The following TXNRD1 variants were observed in gnomAD, a reference collection of about 807,000 sequenced individuals.
TXNRD1 encodes the protein thioredoxin reductase 1, also known as thioredoxin reductase 1, cytoplasmic.
Under a neutral mutation model 80.3 loss-of-function variants are expected in TXNRD1, and 57 were observed. The ratio of observed to expected loss-of-function variants is 0.71; its 90% CI spans 0.57 to 0.89. TXNRD1 has a LOEUF of 0.89. Ranked by LOEUF, TXNRD1 falls within the 40% of genes least tolerant of loss-of-function variation. The pLI is 0.00. For synonymous variants in TXNRD1, 291 were observed against 285.2 expected, an observed-to-expected ratio of 1.02 and a Z score of -0.20; for missense variants, 730 against 803.0, an observed-to-expected ratio of 0.91 and a Z score of 1.10.
At position 104,303,793 on chromosome 12, in the gene TXNRD1, C is replaced by T. The variant is rs556334568; in HGVS notation, c.415-7497C>T. 50 of 1,308,976 alleles carry T rather than the reference C, an allele frequency of 3.8e-5. No individual in the cohort carries two copies. The South Asian group carries it at 6.3e-4, about 17-fold the overall frequency. The allele number at this position is 1,308,976 out of a possible 1,614,324, so 81.1% of individuals were successfully genotyped here. A position where few individuals can be genotyped will look rare whatever the true frequency, so the allele number is the denominator to read the frequency against. On this transcript the variant is annotated intron_variant, in intron 4 of 16. Transcript: ENST00000525566. ...GCCACTTTCCACACGCTGGGAGGGC[C>T]GTTACCTCAGAGATACCCGTGGCCG...
In TXNRD1 at chr12:104,277,290, C is replaced by T. The variant is rs181427017; in HGVS notation, c.305-11641C>T. Among the ~76,000 whole-genome samples the T allele has an allele frequency of 4.7e-3, 699 of 150,248 alleles. 2 individuals are homozygous for T. The highest frequency in any genetic ancestry group is 0.016 in the African/African-American group (672 of 40,744). On this transcript the variant is annotated intron_variant, in intron 3 of 16. Transcript: ENST00000525566. ...TGGCGGGCGCCTATAGTACCAGCTACTAGGGAGGCTGAGGCAGGAGAATGA... is the reference window on the plus strand; with the variant it reads ...TGGCGGGCGCCTATAGTACCAGCTATTAGGGAGGCTGAGGCAGGAGAATGA...
chr12:104,320,242 A>T (rs182404759), intron 9 of TXNRD1, among the ~76,000 whole-genome samples: 380 of 152,302 alleles, frequency 2.5e-3, no homozygotes, highest in Non-Finnish European at 4.1e-3. Context: ...GTCTTCTTGG[A>T]TGCTTTTTGC....
chr12:104,317,504 C>G (rs531187104), intron 7 of TXNRD1, among the ~76,000 whole-genome samples: 1 of 151,510 alleles, frequency 6.6e-6, no homozygotes, highest in South Asian at 2.1e-4. Context: ...TGCTGTCATT[C>G]CCACTTCCAG....
intron 1 of TXNRD1, among the ~76,000 whole-genome samples, chr12:104,229,602 A>ATTTTATTTTATTTTATTTTTTTTTATTTT (rs1565853296): frequency 1.1e-5 from 1 of 89,304 alleles, no homozygotes; most frequent in African/African-American, 7.4e-5. Flanking sequence ...TATTTTATTT[A>ATTTTATTTTATTTTATTTTTTTTTATTTT]TTTTTTTTGA....
At chr12:104,327,403 A>G (rs1201375117) in intron 12 of TXNRD1, 112 bp from the exon 13 acceptor site, 2 of 1,037,504 alleles carry the variant, frequency 1.9e-6, no homozygotes, top group African/African-American at 1.6e-5. Flanking sequence ...ACATTAGAAC[A>G]TTGCCCTCAG....
rs2033014231 is a variant in TXNRD1 at position 104,247,240 on chromosome 12, G to A, written c.92-4287G>A. Among the ~76,000 whole-genome samples, 3 of 152,100 alleles carry A rather than the reference G, an allele frequency of 2.0e-5. No homozygotes were observed. The South Asian group carries it at 6.2e-4, about 32-fold the overall frequency. On this transcript the variant is annotated intron_variant, in intron 1 of 16. Transcript: ENST00000525566. ...CCGCCATTATGCCTGGCTAATTTTT[G>A]TATTTTTCATTGTGACAGGGTTTCA...
intron 1 of TXNRD1, among the ~76,000 whole-genome samples, chr12:104,249,451 A>C (rs1025249262): frequency 6.6e-6 from 1 of 152,036 alleles, no homozygotes; most frequent in Admixed American, 6.6e-5. Flanking sequence ...TTTTCTATCC[A>C]TATGTTAAGT....
At chr12:104,312,710 C>T (rs185173835) in intron 5 of TXNRD1, among the ~76,000 whole-genome samples, 125 of 152,270 alleles carry the variant, frequency 8.2e-4, no homozygotes, top group African/African-American at 2.9e-3. Context: ...TAGATGTTGT[C>T]AACTTTTTCA....
At chr12:104,220,921 T>C (rs2032339670) in intron 1 of TXNRD1, among the ~76,000 whole-genome samples, 2 of 152,208 alleles carry the variant, frequency 1.3e-5, no homozygotes, top group South Asian at 2.1e-4. Flanking sequence ...TAGAAACTAG[T>C]CTACATGTAT....
intron 4 of TXNRD1, chr12:104,310,223 C>T: frequency 1.9e-6 from 2 of 1,045,754 alleles, no homozygotes; most frequent in South Asian, 1.8e-5. Flanking sequence ...AATCTTGGCT[C>T]ACTGCAACGT....
intron 3 of TXNRD1, among the ~76,000 whole-genome samples, chr12:104,269,399 C>CTT (rs71069741): frequency 0.065 from 7,795 of 120,340 alleles, 344 homozygotes; most frequent in South Asian, 0.13. Flanking sequence ...GTGTTTCTTT[C>CTT]TTTTTTTTTT....
At chr12:104,329,755 A>G (rs1255737869) in intron 13 of TXNRD1, among the ~76,000 whole-genome samples, 2 of 152,224 alleles carry the variant, frequency 1.3e-5, no homozygotes, top group South Asian at 2.1e-4. Flanking sequence ...ACAGACCTCA[A>G]GAACTCTCTT....
chr12:104,280,651 A>G (rs527733894), intron 3 of TXNRD1: 1 of 152,298 alleles, frequency 6.6e-6, no homozygotes, highest in South Asian at 2.1e-4. Context: ...GTAGGCTTTG[A>G]GTAAAGCTAG....
intron 7 of TXNRD1, 118 bp from the exon 8 acceptor site, chr12:104,318,795 C>T (rs563035507): frequency 3.3e-4 from 322 of 974,502 alleles, no homozygotes; most frequent in Non-Finnish European, 4.4e-4. Context: ...GAGGATTTGC[C>T]CTTTCAGATT....
At chr12:104,263,592 C>T (rs767892330) in intron 3 of TXNRD1, among the ~76,000 whole-genome samples, 12 of 152,110 alleles carry the variant, frequency 7.9e-5, no homozygotes, top group Non-Finnish European at 1.8e-4. Context: ...AGGTGTCTTC[C>T]TAGGAGCTTT....
At chr12:104,332,166 A>G (rs1220034844) in intron 14 of TXNRD1, among the ~76,000 whole-genome samples, 1 of 152,212 alleles carries the variant, frequency 6.6e-6, no homozygotes, top group Non-Finnish European at 1.5e-5. Context: ...AATTTGTACT[A>G]ACTTTTCTGC....
At chr12:104,224,399 T>C (rs904878276) in intron 1 of TXNRD1, among the ~76,000 whole-genome samples, 3 of 152,156 alleles carry the variant, frequency 2.0e-5, no homozygotes, top group Non-Finnish European at 4.4e-5. Context: ...TTTTTATTTA[T>C]GTTTTTTTGA....
In TXNRD1 at chr12:104,274,291, T is replaced by C. The variant is rs536124039; in HGVS notation, c.305-14640T>C. Among the ~76,000 whole-genome samples, 4 of 152,282 alleles carry C rather than the reference T, an allele frequency of 2.6e-5. No homozygotes were observed. The South Asian group carries it at 8.3e-4, about 32-fold the overall frequency. ...GTGACCATAGCTTTCCATTAACGAC[T>C]GGTAGCCATCAACTGTCTCGGGCTT... On this transcript the variant is annotated intron_variant, in intron 3 of 16. Transcript: ENST00000525566.
intron 16 of TXNRD1, among the ~76,000 whole-genome samples, chr12:104,342,441 C>T (rs568031493): frequency 6.6e-6 from 1 of 152,280 alleles, no homozygotes; most frequent in South Asian, 2.1e-4. Flanking sequence ...AGACCAAATA[C>T]ATATTTCTTC....
Sources: allele counts gnomAD v4.1 joint callset (sites outside exome capture counted in the v4.1 genomes callset), GRCh38; gene constraint gnomAD v4.1.1; transcripts MANE v1.5; gene names NCBI Gene and HGNC (gene_info 2026-07-23, HGNC 2026-07-21).